Variants in GAK observed in about 807,000 individuals in gnomAD.
GAK encodes cyclin-G-associated kinase.
In GAK, 79 loss-of-function variants were observed where a neutral mutation model predicts 143.9. The observed-to-expected ratio is 0.55, with a 90% confidence interval of 0.46 to 0.66. The LOEUF (loss-of-function observed/expected upper bound fraction) is 0.66. Among genes scored for constraint, GAK ranks in the 30% least tolerant of loss-of-function variants. The pLI, the probability that GAK is intolerant of heterozygous loss-of-function variation, is 0.00. For synonymous variants in GAK, 881 were observed against 765.5 expected (o/e 1.15, Z -2.49); for missense variants, 1,693 against 1,779.7 (o/e 0.95, Z 0.88).
At chr4:856,182 A>C (rs1369581440) in intron 24 of GAK, among the ~76,000 whole-genome samples, 10 of 132,144 alleles carry the variant, frequency 7.6e-5, no homozygotes, top group Non-Finnish European at 1.7e-4. Context: ...AGCTGCTCAC[A>C]CCTGCTCACC....
intron 4 of GAK, among the ~76,000 whole-genome samples, chr4:910,084 C>G (rs547019543): frequency 1.2e-3 from 183 of 152,292 alleles, no homozygotes; most frequent in African/African-American, 4.3e-3. Context: ...GACCCCCAGG[C>G]AGAGAAGCAT....
intron 1 of GAK, 130 bp downstream of exon 1, chr4:931,913 C>T (rs1725910063): frequency 2.8e-6 from 2 of 716,262 alleles, no homozygotes; most frequent in African/African-American, 1.8e-5. Context: ...CTGGCCGACC[C>T]TGACCCACGA....
At chr4:876,969 G>A (rs562188687) in intron 17 of GAK, 121 bp downstream of exon 17, 12 of 678,152 alleles carry the variant, frequency 1.8e-5, no homozygotes, top group Middle Eastern at 4.0e-4. Flanking sequence ...GAGAGCCCAC[G>A]GCACTCACCA....
Position 890,641 on chromosome 4 carries a change from A to T in GAK, c.991-19T>A. 1 of 1,599,730 alleles carries T rather than the reference A, an allele frequency of 6.3e-7. No individual in the cohort carries two copies. The highest frequency in any genetic ancestry group is 8.5e-7 in the Non-Finnish European group (1 of 1,173,344). On this transcript the variant is annotated intron_variant, in intron 9 of 27. Transcript: ENST00000314167. Reference sequence around the variant, plus strand: ...CCAGGAGCTGTGACAATGAAAATGCAGAGGTCAGTTCTCTAAACTGACAAC... The same window carrying T: ...CCAGGAGCTGTGACAATGAAAATGCTGAGGTCAGTTCTCTAAACTGACAAC...
intron 6 of GAK, among the ~76,000 whole-genome samples, chr4:896,765 G>A (rs572883689): frequency 2.0e-5 from 3 of 152,378 alleles, no homozygotes; most frequent in East Asian, 3.9e-4. Flanking sequence ...TGAGGACTGA[G>A]TCATTCACCT....
chr4:856,860 C>A (rs1255438622), intron 24 of GAK, among the ~76,000 whole-genome samples: 1 of 152,256 alleles, frequency 6.6e-6, no homozygotes, highest in Non-Finnish European at 1.5e-5. Context: ...ACGGTGTGAG[C>A]CACTCCGCCT....
chr4:908,479 A>G (rs917180266), intron 4 of GAK, among the ~76,000 whole-genome samples: 8 of 152,110 alleles, frequency 5.3e-5, no homozygotes, highest in Non-Finnish European at 1.2e-4. Flanking sequence ...CCTGGGCAAC[A>G]CAGCAAGACA....
At chr4:913,698 T>C (rs1346312562) in intron 1 of GAK, 30 bp from the exon 2 acceptor site, 3 of 1,557,544 alleles carry the variant, frequency 1.9e-6, no homozygotes, top group African/African-American at 2.7e-5. Context: ...GTCAGTTCAA[T>C]GCTATGATTT....
chr4:849,839 C>CT, intron 27 of GAK, 53 bp downstream of exon 27: 1 of 1,124,976 alleles, frequency 8.9e-7, no homozygotes, highest in Non-Finnish European at 1.3e-6. Context: ...GCAGGACCCC[C>CT]CCCCCGCCCC....
At chr4:926,180 C>CCGAACGTCTAATTCA (rs1724708769) in intron 1 of GAK, among the ~76,000 whole-genome samples, 1 of 152,148 alleles carries the variant, frequency 6.6e-6, no homozygotes, top group Non-Finnish European at 1.5e-5. Flanking sequence ...AGTGACCTCC[C>CCGAACGTCTAATTCA]CCAATGGTGA....
rs779536968 is a variant in GAK, at chr4:904,826, A to G, written c.383-47T>C. 4 of 1,595,230 alleles carry G rather than the reference A, an allele frequency of 2.5e-6. No homozygotes were observed. The Admixed American group carries it at 6.9e-5, about 28-fold the overall frequency. Reference sequence around the variant, plus strand: ...ATGGAGGCAGGAGAACAGGGTCCGGAGACAGGGAACCTAGGGCTGTTTCAC... The same window carrying G: ...ATGGAGGCAGGAGAACAGGGTCCGGGGACAGGGAACCTAGGGCTGTTTCAC... On this transcript the variant is annotated intron_variant, in intron 4 of 27. Coordinates refer to ENST00000314167, the MANE Select transcript of GAK (RefSeq NM_005255.4).
intron 15 of GAK, 87 bp downstream of exon 15, chr4:881,820 T>C: frequency 7.0e-7 from 1 of 1,420,894 alleles, no homozygotes; most frequent in Non-Finnish European, 9.4e-7. Flanking sequence ...CGGCACCGAC[T>C]GGCCCTCCAG....
intron 1 of GAK, among the ~76,000 whole-genome samples, chr4:919,121 C>A (rs13105039): frequency 2.5e-4 from 21 of 84,740 alleles, no homozygotes; most frequent in East Asian, 3.6e-4. Flanking sequence ...ATGACCTTAG[C>A]AGGACAGAAG....
intron 1 of GAK, 49 bp from the exon 2 acceptor site, chr4:913,717 A>G (rs761446208): frequency 6.2e-6 from 9 of 1,457,842 alleles, no homozygotes; most frequent in South Asian, 4.6e-5. Flanking sequence ...TTTATTTAAC[A>G]TATCAGGCTT....
At chr4:912,617 T>C in intron 3 of GAK, 118 bp downstream of exon 3, 1 of 754,002 alleles carries the variant, frequency 1.3e-6, no homozygotes. Flanking sequence ...AAAGCCGATT[T>C]TAACACATGA....
intron 1 of GAK, among the ~76,000 whole-genome samples, chr4:923,874 C>T (rs1724270746): frequency 1.3e-5 from 2 of 152,000 alleles, no homozygotes; most frequent in African/African-American, 4.8e-5. Context: ...TAAGCAGAAA[C>T]TCCCTGCCCA....
intron 23 of GAK, among the ~76,000 whole-genome samples, chr4:864,691 C>T (rs1380582780): frequency 6.6e-6 from 1 of 152,040 alleles, no homozygotes; most frequent in East Asian, 1.9e-4. Flanking sequence ...CATGGGGCAT[C>T]GGCCGCAACA....
intron 23 of GAK, among the ~76,000 whole-genome samples, chr4:862,235 T>C (rs1294877077): frequency 2.0e-5 from 3 of 149,820 alleles, no homozygotes; most frequent in Non-Finnish European, 4.4e-5. Context: ...ATGAAGGGGC[T>C]GCACCCGCCA....
intron 3 of GAK, chr4:912,057 C>T: frequency 2.1e-6 from 1 of 485,188 alleles, no homozygotes. Context: ...AAAGTCCATC[C>T]CGCGCGTGGC....
Sources: allele counts gnomAD v4.1 joint callset (sites outside exome capture counted in the v4.1 genomes callset), GRCh38; gene constraint gnomAD v4.1.1; transcripts MANE v1.5; gene names NCBI Gene and HGNC (gene_info 2026-07-23, HGNC 2026-07-21).